The following BICC1 variants were observed in gnomAD, a reference collection of about 807,000 sequenced individuals.
The protein encoded by BICC1 is protein bicaudal C homolog 1.
Under a neutral mutation model 111.0 loss-of-function variants are expected in BICC1, and 43 were observed. The observed-to-expected ratio is 0.39, with a 90% confidence interval of 0.30 to 0.50. The LOEUF is 0.50. Ranked by LOEUF, BICC1 falls within the 20% of genes least tolerant of loss-of-function variation. The pLI, the probability that BICC1 is intolerant of heterozygous loss-of-function variation, is 0.88. For missense variants in BICC1, 1,091 were observed against 1,203.2 expected, an observed-to-expected ratio of 0.91 and a Z score of 1.38; for synonymous variants, 467 against 434.4, an observed-to-expected ratio of 1.07 and a Z score of -0.93.
chr10:58,548,611 T>C (rs1843203090), intron 1 of BICC1, among the ~76,000 whole-genome samples: 1 of 152,196 alleles, frequency 6.6e-6, no homozygotes, highest in Non-Finnish European at 1.5e-5. Flanking sequence ...ATCCTAAAAA[T>C]CCAATGTGCT....
intron 3 of BICC1, among the ~76,000 whole-genome samples, chr10:58,779,125 C>T (rs746298320): frequency 9.2e-5 from 14 of 152,108 alleles, no homozygotes; most frequent in Non-Finnish European, 1.5e-4. Context: ...CTTAAGAAGC[C>T]AGGGGGAAAC....
chr10:58,557,362 T>C (rs1843480735), intron 1 of BICC1, among the ~76,000 whole-genome samples: 1 of 151,444 alleles, frequency 6.6e-6, no homozygotes, highest in Non-Finnish European at 1.5e-5. Flanking sequence ...TTTTCATGTG[T>C]TCAGTGGAGT....
chr10:58,800,090 G>A, intron 12 of BICC1, 104 bp from the exon 13 acceptor site: 2 of 779,782 alleles, frequency 2.6e-6, no homozygotes, highest in Admixed American at 2.7e-5. Context: ...GTATTCCAGG[G>A]TGGTTTTCTT....
chr10:58,541,795 G>A (rs967975148), intron 1 of BICC1, among the ~76,000 whole-genome samples: 44 of 152,108 alleles, frequency 2.9e-4, no homozygotes, highest in African/African-American at 1.0e-3. Flanking sequence ...CGTATGTCCT[G>A]ACTTAAAAAC....
chr10:58,754,733 G>C (rs1842092013), intron 3 of BICC1, among the ~76,000 whole-genome samples: 1 of 148,628 alleles, frequency 6.7e-6, no homozygotes. Flanking sequence ...ATGGGCTTTA[G>C]GGACAAACTT....
intron 1 of BICC1, among the ~76,000 whole-genome samples, chr10:58,521,914 A>C (rs902437521): frequency 7.3e-5 from 11 of 150,922 alleles, no homozygotes; most frequent in Non-Finnish European, 4.4e-5. Flanking sequence ...TCTAATGGAG[A>C]TGGTCCCAGG....
At chr10:58,815,703 A>G (rs902849125) in intron 18 of BICC1, among the ~76,000 whole-genome samples, 6 of 152,184 alleles carry the variant, frequency 3.9e-5, no homozygotes, top group African/African-American at 1.4e-4. Context: ...TAAGACCAAA[A>G]AAAAAAAATT....
At chr10:58,647,705 T>C (rs959109766) in intron 2 of BICC1, among the ~76,000 whole-genome samples, 1 of 152,142 alleles carries the variant, frequency 6.6e-6, no homozygotes, top group African/African-American at 2.4e-5. Context: ...TTCAATCTTT[T>C]TGATGGGGTT....
chr10:58,816,811 T>A (rs1476784190), intron 18 of BICC1, among the ~76,000 whole-genome samples: 1 of 147,406 alleles, frequency 6.8e-6, no homozygotes, highest in Non-Finnish European at 1.5e-5. Context: ...CTTGGCTTGG[T>A]TCAATAGTCC....
At chr10:58,790,060 T>C (rs745432600) in intron 8 of BICC1, 127 bp downstream of exon 8, 12 of 1,089,270 alleles carry the variant, frequency 1.1e-5, no homozygotes, top group African/African-American at 1.6e-5. Flanking sequence ...ATAAGGAAGT[T>C]TCTTGCTAAA....
At chr10:58,591,764 C>T (rs981936569) in intron 1 of BICC1, among the ~76,000 whole-genome samples, 1 of 152,206 alleles carries the variant, frequency 6.6e-6, no homozygotes, top group Non-Finnish European at 1.5e-5. Context: ...CCATTGCCTT[C>T]TCAAGAGTTT....
chr10:58,759,490 A>G (rs1286100345), intron 3 of BICC1, among the ~76,000 whole-genome samples: 1 of 152,118 alleles, frequency 6.6e-6, no homozygotes, highest in African/African-American at 2.4e-5. Flanking sequence ...TATTGTATGT[A>G]TTTGTATAGT....
chr10:58,530,271 G>C (rs1462331687), intron 1 of BICC1, among the ~76,000 whole-genome samples: 1 of 151,768 alleles, frequency 6.6e-6, no homozygotes, highest in Non-Finnish European at 1.5e-5. Context: ...AAAAGGCAAA[G>C]CCAATACAAT....
At chr10:58,669,176 T>A (rs1356803799) in intron 2 of BICC1, among the ~76,000 whole-genome samples, 1 of 152,010 alleles carries the variant, frequency 6.6e-6, no homozygotes, top group African/African-American at 2.4e-5. Context: ...TTTTTTTAAA[T>A]ATACCCAGTT....
At position 58,629,854 on chromosome 10, in the gene BICC1, GGC is replaced by G. The variant is rs201403520; in HGVS notation, c.237+8954_237+8955del. On this transcript the variant is annotated intron_variant, in intron 2 of 20. Coordinates refer to ENST00000373886, the MANE Select transcript of BICC1 (RefSeq NM_001080512.3). Reference sequence around the variant, plus strand: ...TATGTTGCGTTAAAATTTGTTTTTTGGCCAATTCAATTCTTTAACCTTTAGGC... The same window carrying G: ...TATGTTGCGTTAAAATTTGTTTTTTGCAATTCAATTCTTTAACCTTTAGGC... Among the ~76,000 whole-genome samples, 970 of 152,072 alleles carry G rather than the reference GGC, an allele frequency of 6.4e-3. 9 individuals carry two copies. The highest frequency in any genetic ancestry group is 0.022 in the African/African-American group (927 of 41,480).
chr10:58,753,687 C>G (rs1842054525), intron 3 of BICC1, among the ~76,000 whole-genome samples: 1 of 151,672 alleles, frequency 6.6e-6, no homozygotes, highest in Admixed American at 6.6e-5. Context: ...AACACACACA[C>G]AGACACACAC....
intron 1 of BICC1, among the ~76,000 whole-genome samples, chr10:58,525,145 T>A (rs2131836549): frequency 7.2e-6 from 1 of 139,500 alleles, no homozygotes; most frequent in African/African-American, 2.5e-5. Context: ...ATTGTGGAAG[T>A]CAGTGTGGCA....
chr10:58,751,571 T>A (rs953965373), intron 3 of BICC1, among the ~76,000 whole-genome samples: 1 of 152,162 alleles, frequency 6.6e-6, no homozygotes, highest in African/African-American at 2.4e-5. Flanking sequence ...TCTAACTTTA[T>A]CTGTTGAGAT....
At chr10:58,522,992 A>G (rs557378270) in intron 1 of BICC1, among the ~76,000 whole-genome samples, 3 of 152,328 alleles carry the variant, frequency 2.0e-5, no homozygotes, top group Non-Finnish European at 4.4e-5. Flanking sequence ...CACCCTCCCA[A>G]GACTAAACCA....
Sources: gnomAD v4.1 joint callset for allele counts (sites outside exome capture counted in the v4.1 genomes callset) on GRCh38, gnomAD v4.1.1 for gene constraint, MANE v1.5 for transcripts, NCBI Gene and HGNC (gene_info 2026-07-23, HGNC 2026-07-21) for gene names.